PLCXD3: variants seen among roughly 807,000 people sequenced by gnomAD.
PLCXD3 encodes phosphatidylinositol specific phospholipase C X domain containing 3, also known as PI-PLC X domain-containing protein 3.
In PLCXD3, 19 loss-of-function variants were observed where a neutral mutation model predicts 25.5. The ratio of observed to expected loss-of-function variants is 0.75; its 90% CI spans 0.52 to 1.09. The LOEUF (loss-of-function observed/expected upper bound fraction) is 1.09. Ranked by LOEUF, PLCXD3 falls within the 50% of genes least tolerant of loss-of-function variation. PLCXD3 has a pLI of 0.00. For synonymous variants in PLCXD3, 174 were observed against 137.6 expected, an observed-to-expected ratio of 1.26 and a Z score of -1.85; for missense variants, 411 against 388.1, an observed-to-expected ratio of 1.06 and a Z score of -0.50.
chr5:41,322,398 C>T (rs1743499243), intron 2 of PLCXD3, among the ~76,000 whole-genome samples: 1 of 152,108 alleles, frequency 6.6e-6, no homozygotes, highest in Admixed American at 6.5e-5. Flanking sequence ...TATCCAGAAA[C>T]AGGCAATAAC....
intron 1 of PLCXD3, among the ~76,000 whole-genome samples, chr5:41,397,416 C>T (rs557204022): frequency 7.6e-4 from 116 of 152,180 alleles, no homozygotes; most frequent in African/African-American, 2.0e-3. Context: ...GCACAGGAGG[C>T]GAGAGTTGAG....
chr5:41,367,100 A>T (rs1744958142), intron 2 of PLCXD3, among the ~76,000 whole-genome samples: 1 of 152,196 alleles, frequency 6.6e-6, no homozygotes, highest in Non-Finnish European at 1.5e-5. Flanking sequence ...CAATGAACAT[A>T]CACATGCATG....
chr5:41,441,214 G>C (rs191588827), intron 1 of PLCXD3, among the ~76,000 whole-genome samples: 1 of 152,292 alleles, frequency 6.6e-6, no homozygotes, highest in African/African-American at 2.4e-5. Flanking sequence ...AAGAAGACTT[G>C]TAATGAAAAG....
At chr5:41,448,863 T>C (rs1747564487) in intron 1 of PLCXD3, among the ~76,000 whole-genome samples, 1 of 152,180 alleles carries the variant, frequency 6.6e-6, no homozygotes, top group Non-Finnish European at 1.5e-5. Flanking sequence ...ATTTATAATC[T>C]TCTTAACCTT....
In PLCXD3 at chr5:41,312,013, A is replaced by G. The variant is rs961578212; in HGVS notation, c.*1604T>C. The G allele has an allele frequency of 6.6e-6, 1 of 152,592 alleles. No homozygotes were observed. The highest frequency in any genetic ancestry group is 1.5e-5 in the Non-Finnish European group (1 of 68,022). 9.5% of individuals were successfully genotyped at this position (152,592 alleles called of 1,614,324 possible). A position where few individuals can be genotyped will look rare whatever the true frequency, so the allele number is the denominator to read the frequency against. ...AATAAAATAATTAATAATTGTAAGA[A>G]TTTCATCAAATTTTATAATTTTATA... is the stretch of plus-strand genomic sequence containing the variant. On this transcript the variant is annotated 3_prime_UTR_variant, in exon 3 of 3. Coordinates refer to ENST00000377801, the MANE Select transcript of PLCXD3 (RefSeq NM_001005473.3).
At chr5:41,318,936 C>A (rs1399305109) in intron 2 of PLCXD3, among the ~76,000 whole-genome samples, 3 of 147,808 alleles carry the variant, frequency 2.0e-5, no homozygotes, top group Non-Finnish European at 4.4e-5. Context: ...AGCAAACAAA[C>A]AAATGAACAA....
chr5:41,498,480 A>C (rs1469418978), intron 1 of PLCXD3, among the ~76,000 whole-genome samples: 1 of 151,722 alleles, frequency 6.6e-6, no homozygotes, highest in African/African-American at 2.4e-5. Context: ...AGGAAATAGA[A>C]AATGTGAACA....
intron 1 of PLCXD3, among the ~76,000 whole-genome samples, chr5:41,383,548 G>A (rs1026613087): frequency 2.0e-5 from 3 of 152,024 alleles, no homozygotes; most frequent in Non-Finnish European, 4.4e-5. Context: ...CCACTGAAGA[G>A]CTAAAATTAA....
At chr5:41,482,882 T>C (rs1280934844) in intron 1 of PLCXD3, among the ~76,000 whole-genome samples, 1 of 152,194 alleles carries the variant, frequency 6.6e-6, no homozygotes, top group Non-Finnish European at 1.5e-5. Flanking sequence ...TCACCAGAAC[T>C]TTTTCATCTT....
rs879583662 is a variant in PLCXD3, at chr5:41,510,491, T to C, written c.36A>G (p.Leu12=). The C allele has an allele frequency of 3.7e-6, 6 of 1,613,152 alleles. No homozygotes were observed. The highest frequency in any genetic ancestry group is 1.3e-5 in the African/African-American group (1 of 74,874). The change falls in exon 1 of 3, where the codon TTA becomes TTG. Residue 12 remains leucine (L), a synonymous_variant. Transcript: ENST00000377801. ...CCGGCAGAGTTGCCATCCAGTCGGC[T>C]AATTTCAGCTCGTTTTTCCCCTGAG... is the stretch of plus-strand genomic sequence containing the variant. ...ASSQGKNELK[L]ADWMATLPES... is the part of the protein sequence containing the mutation.
chr5:41,437,049 T>A (rs1334908287), intron 1 of PLCXD3, among the ~76,000 whole-genome samples: 1 of 152,246 alleles, frequency 6.6e-6, no homozygotes, highest in Non-Finnish European at 1.5e-5. Context: ...AACTTGTGAT[T>A]GAAATGTTAG....
chr5:41,330,011 G>A (rs138436825), intron 2 of PLCXD3, among the ~76,000 whole-genome samples: 23 of 151,736 alleles, frequency 1.5e-4, no homozygotes, highest in African/African-American at 3.9e-4. Flanking sequence ...AGTTATGGGC[G>A]AACAATTGTG....
At chr5:41,334,359 G>GTCA (rs1347434079) in intron 2 of PLCXD3, among the ~76,000 whole-genome samples, 2 of 152,056 alleles carry the variant, frequency 1.3e-5, no homozygotes, top group Non-Finnish European at 2.9e-5. Context: ...GTACTCCAGG[G>GTCA]TCATTCAAAA....
intron 1 of PLCXD3, among the ~76,000 whole-genome samples, chr5:41,494,154 A>T (rs1748784835): frequency 2.0e-5 from 3 of 152,206 alleles, no homozygotes; most frequent in Admixed American, 2.0e-4. Flanking sequence ...GCTGAAGTGC[A>T]GTGGTGTGAT....
chr5:41,354,091 C>G (rs181664550), intron 2 of PLCXD3, among the ~76,000 whole-genome samples: 16 of 152,218 alleles, frequency 1.1e-4, no homozygotes, highest in African/African-American at 3.1e-4. Context: ...TTCTTCTGCC[C>G]AAGCCTAAAA....
At chr5:41,336,718 T>C (rs1049401019) in intron 2 of PLCXD3, among the ~76,000 whole-genome samples, 1 of 152,130 alleles carries the variant, frequency 6.6e-6, no homozygotes, top group Non-Finnish European at 1.5e-5. Flanking sequence ...ATAACTTGCA[T>C]GCAATGATTG....
chr5:41,457,736 A>T (rs747311760), intron 1 of PLCXD3, among the ~76,000 whole-genome samples: 1 of 151,908 alleles, frequency 6.6e-6, no homozygotes, highest in Non-Finnish European at 1.5e-5. Flanking sequence ...CTTAAAGCTG[A>T]TGAGGTACAT....
chr5:41,422,445 A>G (rs896542453), intron 1 of PLCXD3, among the ~76,000 whole-genome samples: 2 of 152,142 alleles, frequency 1.3e-5, no homozygotes, highest in African/African-American at 4.8e-5. Context: ...GATGGGTCTC[A>G]TCCTTCCTTT....
chr5:41,402,101 A>G (rs567413286), intron 1 of PLCXD3, among the ~76,000 whole-genome samples: 1 of 151,766 alleles, frequency 6.6e-6, no homozygotes, highest in Admixed American at 6.6e-5. Context: ...TCTACTTTTC[A>G]TATATAATTT....
Sources: gnomAD v4.1 joint callset for allele counts (sites outside exome capture counted in the v4.1 genomes callset) on GRCh38, gnomAD v4.1.1 for gene constraint, MANE v1.5 for transcripts, NCBI Gene and HGNC (gene_info 2026-07-23, HGNC 2026-07-21) for gene names.